POFUT3: variants seen among roughly 807,000 people sequenced by gnomAD.
POFUT3 encodes the protein protein O-fucosyltransferase 3, also known as GDP-fucose protein O-fucosyltransferase 3.
chr8:33,309,167 A>AAAATAT, the POFUT3 span, among the ~76,000 whole-genome samples: 2 of 53,688 alleles, frequency 3.7e-5, no homozygotes, highest in African/African-American at 9.2e-5. Flanking sequence ...AAAAAAAAAA[A>AAAATAT]ATATATATAT....
the POFUT3 span, among the ~76,000 whole-genome samples, chr8:33,401,512 A>G: frequency 1.3e-5 from 2 of 152,196 alleles, no homozygotes; most frequent in Non-Finnish European, 2.9e-5. Flanking sequence ...AAGAAAATAA[A>G]TATTTTTATA....
chr8:33,361,527 C>T, the POFUT3 span: 2 of 152,134 alleles, frequency 1.3e-5, no homozygotes, highest in South Asian at 4.1e-4. Context: ...GTCCACAAAA[C>T]AGAGAAATAA....
At chr8:33,389,006 A>G in the POFUT3 span, 1 of 1,614,186 alleles carries the variant, frequency 6.2e-7, no homozygotes, top group Admixed American at 1.7e-5. Flanking sequence ...GGTGCACACC[A>G]TACACTCAAA....
the POFUT3 span, among the ~76,000 whole-genome samples, chr8:33,438,965 A>G: frequency 3.3e-5 from 5 of 149,992 alleles, no homozygotes; most frequent in Middle Eastern, 3.4e-3. Context: ...AATTCAAGAG[A>G]GATTTGGGTG....
the POFUT3 span, among the ~76,000 whole-genome samples, chr8:33,446,948 C>G: frequency 1.3e-3 from 194 of 152,314 alleles, no homozygotes; most frequent in African/African-American, 4.3e-3. Flanking sequence ...CACGTGATCA[C>G]ATGAAGGCAC....
chr8:33,455,910 A>G, the POFUT3 span: 1 of 430,570 alleles, frequency 2.3e-6, no homozygotes, highest in Non-Finnish European at 4.5e-6. Context: ...AAAGAAAAAA[A>G]AAAAAAACCA....
chr8:33,356,212 G>A, the POFUT3 span, among the ~76,000 whole-genome samples: 1 of 152,160 alleles, frequency 6.6e-6, no homozygotes, highest in African/African-American at 2.4e-5. Context: ...GGGTCAAATG[G>A]TATTTCTAGT....
At chr8:33,310,341 T>A in the POFUT3 span, among the ~76,000 whole-genome samples, 65,805 of 152,016 alleles carry the variant, frequency 0.43, 16,095 homozygotes, top group East Asian at 0.8. Flanking sequence ...TTCCTTAAAG[T>A]CACAACTCAG....
the POFUT3 span, among the ~76,000 whole-genome samples, chr8:33,472,086 C>G: frequency 5.3e-5 from 8 of 152,116 alleles, no homozygotes; most frequent in Non-Finnish European, 4.4e-5. Flanking sequence ...CTAACAAGCC[C>G]AAGATTGGTC....
chr8:33,330,006 G>A, the POFUT3 span, among the ~76,000 whole-genome samples: 7 of 152,300 alleles, frequency 4.6e-5, no homozygotes, highest in East Asian at 5.8e-4. Context: ...GAAGAGATGA[G>A]AGGAAGATGC....
At chr8:33,428,394 G>A in the POFUT3 span, among the ~76,000 whole-genome samples, 2 of 152,300 alleles carry the variant, frequency 1.3e-5, no homozygotes, top group East Asian at 3.9e-4. Context: ...GACTTTAGAA[G>A]GCTCTTATAA....
chr8:33,431,320 G>A, the POFUT3 span, among the ~76,000 whole-genome samples: 2 of 151,744 alleles, frequency 1.3e-5, no homozygotes, highest in East Asian at 1.9e-4. Flanking sequence ...GCCAAGGCAG[G>A]CGGATCACTT....
the POFUT3 span, among the ~76,000 whole-genome samples, chr8:33,324,149 GC>G: frequency 6.6e-6 from 1 of 152,116 alleles, no homozygotes; most frequent in East Asian, 1.9e-4. Context: ...GCACAAAAAA[GC>G]CCATGTGAAA....
chr8:33,451,565 T>C, the POFUT3 span, among the ~76,000 whole-genome samples: 4 of 152,006 alleles, frequency 2.6e-5, no homozygotes, highest in African/African-American at 9.7e-5. Flanking sequence ...TATGTATGTG[T>C]ATATATGTAT....
chr8:33,414,368 AT>A, the POFUT3 span, among the ~76,000 whole-genome samples: 2 of 152,128 alleles, frequency 1.3e-5, no homozygotes, highest in Admixed American at 6.5e-5. Context: ...CAGTTCATTC[AT>A]TCCTCCTAAA....
chr8:33,472,592 A>G, the POFUT3 span, among the ~76,000 whole-genome samples: 1 of 152,206 alleles, frequency 6.6e-6, no homozygotes, highest in African/African-American at 2.4e-5. Flanking sequence ...ACTTCAACAC[A>G]ACATTCCTGC....
chr8:33,441,052 C>T, the POFUT3 span, among the ~76,000 whole-genome samples: 1 of 151,950 alleles, frequency 6.6e-6, no homozygotes, highest in Admixed American at 6.6e-5. Flanking sequence ...TGGTTCTGGC[C>T]GGGCACAGTG....
chr8:33,361,853 T>G, the POFUT3 span, among the ~76,000 whole-genome samples: 1 of 152,188 alleles, frequency 6.6e-6, no homozygotes, highest in African/African-American at 2.4e-5. Flanking sequence ...AAGACTTCTT[T>G]TCACTCATTG....
chr8:33,453,701 G>A, the POFUT3 span, among the ~76,000 whole-genome samples: 2 of 152,116 alleles, frequency 1.3e-5, no homozygotes, highest in Admixed American at 6.6e-5. Context: ...TCAGTGCGTC[G>A]TCAGGGGGGC....
Sources: allele counts gnomAD v4.1 joint callset (sites outside exome capture counted in the v4.1 genomes callset), GRCh38; gene constraint gnomAD v4.1.1; transcripts MANE v1.5; gene names NCBI Gene and HGNC (gene_info 2026-07-23, HGNC 2026-07-21).